NOX4: variants seen among roughly 807,000 people sequenced by gnomAD.
NOX4 encodes the protein NADPH oxidase 4.
NOX4 carries 69 observed loss-of-function variants against 87.6 expected under a neutral mutation model. The observed-to-expected ratio is 0.79, with a 90% confidence interval of 0.65 to 0.96. The LOEUF (loss-of-function observed/expected upper bound fraction) is 0.96, where lower values mean the gene tolerates loss of function less well. NOX4 is among the 40% of genes least tolerant of loss of function. The pLI is 0.00. For synonymous variants in NOX4, 275 were observed against 238.2 expected (o/e 1.15, Z -1.42); for missense variants, 680 against 681.5 (o/e 1.00, Z 0.02).
chr11:89,389,792 C>T (rs1198741734), intron 11 of NOX4, among the ~76,000 whole-genome samples: 3 of 152,082 alleles, frequency 2.0e-5, no homozygotes, highest in African/African-American at 7.2e-5. Flanking sequence ...AACATGCCTT[C>T]AGCCAGACAG....
chr11:89,574,504 G>C, the NOX4 span, among the ~76,000 whole-genome samples: 1 of 152,148 alleles, frequency 6.6e-6, no homozygotes, highest in Non-Finnish European at 1.5e-5. Flanking sequence ...ATGACATAAG[G>C]AAAATGATTC....
chr11:89,558,081 C>T, the NOX4 span, among the ~76,000 whole-genome samples: 12 of 152,094 alleles, frequency 7.9e-5, no homozygotes, highest in Non-Finnish European at 1.8e-4. Flanking sequence ...TTGCTTCCTG[C>T]ATTTGGAGGC....
chr11:89,569,253 C>T, the NOX4 span, among the ~76,000 whole-genome samples: 408 of 150,642 alleles, frequency 2.7e-3, 3 homozygotes, highest in African/African-American at 9.4e-3. Flanking sequence ...AGAAGCTATC[C>T]ACAGAGTAAA....
chr11:89,476,463 T>C (rs1946173317), intron 2 of NOX4, among the ~76,000 whole-genome samples: 1 of 152,148 alleles, frequency 6.6e-6, no homozygotes, highest in Admixed American at 6.5e-5. Context: ...AAATCAAATA[T>C]ATTAATATTT....
chr11:89,455,698 C>T lies in NOX4; in HGVS notation c.154-3803G>A, dbSNP rs111766744. Among the ~76,000 whole-genome samples, 40 of 144,256 alleles carry T rather than the reference C, an allele frequency of 2.8e-4. 1 individual carries two copies. Among genetic ancestry groups the T allele is most frequent in the African/African-American group, 8.9e-4 (33 of 37,276 alleles). 94.6% of individuals were successfully genotyped at this position (144,256 alleles called of 152,430 possible). A position where few individuals can be genotyped will look rare whatever the true frequency, so the allele number is the denominator to read the frequency against. On this transcript the variant is annotated intron_variant, in intron 2 of 17. Coordinates refer to ENST00000263317, the MANE Select transcript of NOX4 (RefSeq NM_016931.5). Reference sequence around the variant, plus strand: ...TGAAGTGGTCACTGAAAACTCCCCACTGTTATCAAGAAGATGAAGTCATAT... The same window carrying T: ...TGAAGTGGTCACTGAAAACTCCCCATTGTTATCAAGAAGATGAAGTCATAT...
the NOX4 span, among the ~76,000 whole-genome samples, chr11:89,522,574 C>A: frequency 6.6e-6 from 1 of 152,018 alleles, no homozygotes; most frequent in Admixed American, 6.6e-5. Context: ...ATCATTTGTA[C>A]CCCAAAACTC....
chr11:89,385,483 G>A (rs991131282), intron 11 of NOX4, among the ~76,000 whole-genome samples: 2 of 152,170 alleles, frequency 1.3e-5, no homozygotes, highest in Admixed American at 6.5e-5. Flanking sequence ...CCCAAACAAG[G>A]CAAATTGTTC....
intron 8 of NOX4, among the ~76,000 whole-genome samples, chr11:89,403,056 T>C (rs1404604527): frequency 5.3e-5 from 8 of 152,194 alleles, no homozygotes; most frequent in Non-Finnish European, 1.0e-4. Flanking sequence ...TCCTATGGTC[T>C]GAAAACAATG....
chr11:89,481,025 G>A (rs995754036), intron 2 of NOX4, among the ~76,000 whole-genome samples: 1 of 151,984 alleles, frequency 6.6e-6, no homozygotes, highest in African/African-American at 2.4e-5. Context: ...GAGGATCAGG[G>A]AGGCAGCCAA....
chr11:89,396,284 CT>C (rs998534077), intron 11 of NOX4, among the ~76,000 whole-genome samples: 2 of 152,022 alleles, frequency 1.3e-5, no homozygotes, highest in African/African-American at 2.4e-5. Context: ...TGGGAGTTCA[CT>C]CATGATTTGG....
chr11:89,425,934 G>A (rs767614819), intron 7 of NOX4, among the ~76,000 whole-genome samples: 1 of 152,192 alleles, frequency 6.6e-6, no homozygotes, highest in East Asian at 1.9e-4. Flanking sequence ...TTGAAGATTA[G>A]AGGAAATATA....
At chr11:89,540,915 G>C in the NOX4 span, among the ~76,000 whole-genome samples, 1 of 137,560 alleles carries the variant, frequency 7.3e-6, no homozygotes, top group South Asian at 2.5e-4. Flanking sequence ...GAGTTCTATT[G>C]TTTAACAAAC....
chr11:89,580,035 C>T, the NOX4 span, among the ~76,000 whole-genome samples: 8 of 151,988 alleles, frequency 5.3e-5, no homozygotes, highest in Non-Finnish European at 1.2e-4. Context: ...GAAATGATCA[C>T]GAGGACTTTA....
At chr11:89,392,295 C>T (rs1432014935) in intron 11 of NOX4, among the ~76,000 whole-genome samples, 2 of 152,136 alleles carry the variant, frequency 1.3e-5, no homozygotes, top group Non-Finnish European at 2.9e-5. Flanking sequence ...GACTCAGAGC[C>T]TTCATACTGA....
chr11:89,463,974 T>C (rs1945574943), intron 2 of NOX4, among the ~76,000 whole-genome samples: 2 of 152,206 alleles, frequency 1.3e-5, no homozygotes, highest in South Asian at 4.1e-4. Context: ...AAGGATTGTA[T>C]ATGACAATTG....
chr11:89,457,413 C>T (rs147643417), intron 2 of NOX4, among the ~76,000 whole-genome samples: 220 of 152,332 alleles, frequency 1.4e-3, no homozygotes, highest in African/African-American at 5.1e-3. Flanking sequence ...GGCTCACTCC[C>T]ACCAGTGTGC....
chr11:89,414,976 T>G (rs1451872577), intron 8 of NOX4, among the ~76,000 whole-genome samples: 1 of 151,978 alleles, frequency 6.6e-6, no homozygotes. Context: ...AATAATTCAA[T>G]AATTCAAGAA....
At chr11:89,507,010 C>T in the NOX4 span, among the ~76,000 whole-genome samples, 1 of 151,798 alleles carries the variant, frequency 6.6e-6, no homozygotes, top group African/African-American at 2.4e-5. Context: ...GTATGAATCT[C>T]AAAGTAATTA....
At chr11:89,360,234 A>G (rs1938415738) in intron 12 of NOX4, among the ~76,000 whole-genome samples, 1 of 152,090 alleles carries the variant, frequency 6.6e-6, no homozygotes, top group South Asian at 2.1e-4. Context: ...AGTATACATG[A>G]GAAAGGAGAT....
Sources: allele counts gnomAD v4.1 joint callset (sites outside exome capture counted in the v4.1 genomes callset), GRCh38; gene constraint gnomAD v4.1.1; transcripts MANE v1.5; gene names NCBI Gene and HGNC (gene_info 2026-07-23, HGNC 2026-07-21).